Variants in DGLUCY observed in about 807,000 individuals in gnomAD.
DGLUCY encodes D-glutamate cyclase, mitochondrial.
In DGLUCY, 58 loss-of-function variants were observed where a neutral mutation model predicts 58.5. The observed-to-expected ratio is 0.99, with a 90% CI of 0.80 to 1.23. The LOEUF is 1.23. Ranked by LOEUF, DGLUCY falls within the 50% of genes most tolerant of loss-of-function variation. DGLUCY has a pLI of 0.00. For synonymous variants in DGLUCY, 325 were observed against 314.1 expected (o/e 1.03, Z -0.37); for missense variants, 779 against 784.7 (o/e 0.99, Z 0.09).
intron 1 of DGLUCY, among the ~76,000 whole-genome samples, chr14:91,152,702 C>T (rs2047396181): frequency 2.0e-5 from 3 of 152,322 alleles, no homozygotes; most frequent in Non-Finnish European, 4.4e-5. Context: ...ACAAGGTCTG[C>T]ACACCTACTC....
At chr14:91,086,109 G>A (rs1340254761) in intron 1 of DGLUCY, among the ~76,000 whole-genome samples, 3 of 152,132 alleles carry the variant, frequency 2.0e-5, no homozygotes. Flanking sequence ...TAGGTTTTGT[G>A]CTCCTTATGA....
intron 9 of DGLUCY, among the ~76,000 whole-genome samples, chr14:91,195,106 C>A (rs2050125174): frequency 6.6e-6 from 1 of 152,142 alleles, no homozygotes. Flanking sequence ...TGAAGCTCCT[C>A]CAAGGCTACC....
intron 1 of DGLUCY, among the ~76,000 whole-genome samples, chr14:91,120,839 G>C (rs932783737): frequency 2.6e-5 from 4 of 152,114 alleles, no homozygotes; most frequent in Non-Finnish European, 5.9e-5. Context: ...CTCACTTTGG[G>C]GAAAGCCTGG....
At chr14:91,077,306 C>A (rs926660610) in intron 1 of DGLUCY, among the ~76,000 whole-genome samples, 4 of 130,836 alleles carry the variant, frequency 3.1e-5, no homozygotes, top group African/African-American at 8.8e-5. Flanking sequence ...AAGAAGAAAG[C>A]GAGGGAGGAA....
chr14:91,125,276 G>A (rs925905355), intron 1 of DGLUCY, among the ~76,000 whole-genome samples: 2 of 152,136 alleles, frequency 1.3e-5, no homozygotes, highest in African/African-American at 4.8e-5. Flanking sequence ...ATTTCTTTAC[G>A]GCACCGGGGA....
intron 1 of DGLUCY, among the ~76,000 whole-genome samples, chr14:91,146,004 G>A (rs775046107): frequency 1.3e-5 from 2 of 151,982 alleles, no homozygotes; most frequent in African/African-American, 2.4e-5. Context: ...TCAGTCTCCC[G>A]AGTAGCTGGG....
At chr14:91,185,177 C>T (rs2049424879) in intron 8 of DGLUCY, among the ~76,000 whole-genome samples, 1 of 151,494 alleles carries the variant, frequency 6.6e-6, no homozygotes, top group African/African-American at 2.4e-5. Context: ...CCATGTTGGC[C>T]AGGCTTGTCT....
chr14:91,161,574 A>G (rs982286022), intron 3 of DGLUCY, among the ~76,000 whole-genome samples: 2 of 152,264 alleles, frequency 1.3e-5, no homozygotes, highest in Non-Finnish European at 2.9e-5. Flanking sequence ...AGCCTCTTCA[A>G]TAGTGGTCGC....
chr14:91,222,504 GAGA>G (rs1887662867), intron 13 of DGLUCY, among the ~76,000 whole-genome samples: 1 of 152,230 alleles, frequency 6.6e-6, no homozygotes, highest in Non-Finnish European at 1.5e-5. Flanking sequence ...GGTAGCTCCT[GAGA>G]AGGAGCTGTT....
At chr14:91,128,430 G>T (rs762906980) in intron 1 of DGLUCY, among the ~76,000 whole-genome samples, 4 of 151,860 alleles carry the variant, frequency 2.6e-5, no homozygotes, top group Non-Finnish European at 5.9e-5. Flanking sequence ...AGGCATGGAG[G>T]TCACAATGAG....
At position 91,180,623 on chromosome 14, in the gene DGLUCY, G is replaced by T. The variant is rs114334421; in HGVS notation, c.731-563G>T. Among the ~76,000 whole-genome samples, 739 of 150,886 alleles carry T rather than the reference G, an allele frequency of 4.9e-3. 4 individuals are homozygous for T. Among genetic ancestry groups the T allele is most frequent in the African/African-American group, 0.016 (650 of 41,166 alleles). The stretch of plus-strand genomic sequence containing the variant: ...CAATAAAGTCACATCTCAAATTCCA[G>T]TATATTCACAATGCTAAAACCAGTT... On this transcript the variant is annotated intron_variant, in intron 7 of 13. Transcript: ENST00000256324.
intron 1 of DGLUCY, among the ~76,000 whole-genome samples, chr14:91,152,875 G>A (rs1389194733): frequency 6.6e-6 from 1 of 152,206 alleles, no homozygotes; most frequent in East Asian, 1.9e-4. Flanking sequence ...TGTGTCTTCT[G>A]TTTTTCGTGT....
intron 1 of DGLUCY, among the ~76,000 whole-genome samples, chr14:91,087,735 C>T (rs1449869480): frequency 1.3e-5 from 2 of 152,164 alleles, no homozygotes; most frequent in African/African-American, 4.8e-5. Context: ...GGAAACTGGG[C>T]ACAGCAGTAG....
In DGLUCY at chr14:91,173,432, C is replaced by T. The variant is rs138979726; in HGVS notation, c.600C>T (p.Gly200=). ...AGCAGGGGCAACCTGTTCACATGGG[C>T]GACCCAGGTCAGTGTCTCTCGCTCC... ...GGEQGQPVHM[G]DPELLGIKEL... is the part of the protein sequence containing the mutation. The change falls in exon 6 of 14, where the codon GGC becomes GGT. Residue 200 remains glycine, a synonymous_variant. Coordinates refer to ENST00000256324, the MANE Select transcript of DGLUCY (RefSeq NM_001102368.3). 1.1e-4 allele frequency: 170 copies of T among 1,598,634 alleles called. No homozygotes were observed. In the East Asian group the frequency reaches 3.5e-3, roughly 33 times the overall value.
chr14:91,146,186 A>G (rs1286949250), intron 1 of DGLUCY, among the ~76,000 whole-genome samples: 3 of 152,182 alleles, frequency 2.0e-5, no homozygotes, highest in Admixed American at 2.0e-4. Flanking sequence ...CCCCATTTTA[A>G]AAATGAGTAA....
At chr14:91,068,097 A>G (rs1017292453) in intron 1 of DGLUCY, among the ~76,000 whole-genome samples, 45 of 151,982 alleles carry the variant, frequency 3.0e-4, no homozygotes, top group Middle Eastern at 3.4e-3. Flanking sequence ...ACACACACAC[A>G]CACACACACA....
At chr14:91,108,789 C>T (rs534403984) in intron 1 of DGLUCY, among the ~76,000 whole-genome samples, 2 of 152,140 alleles carry the variant, frequency 1.3e-5, no homozygotes, top group South Asian at 2.1e-4. Context: ...CTACCAACCT[C>T]GGCTTCCCAA....
intron 11 of DGLUCY, among the ~76,000 whole-genome samples, chr14:91,201,792 C>T (rs2140599997): frequency 6.6e-6 from 1 of 152,070 alleles, no homozygotes; most frequent in South Asian, 2.1e-4. Flanking sequence ...GTGGCTCACA[C>T]CTGTAATTCC....
chr14:91,138,778 C>T (rs1051532883), intron 1 of DGLUCY, among the ~76,000 whole-genome samples: 4 of 152,228 alleles, frequency 2.6e-5, no homozygotes, highest in Admixed American at 2.0e-4. Flanking sequence ...GTCCCTTCCT[C>T]ATCATGAGGA....
Sources: allele counts gnomAD v4.1 joint callset (sites outside exome capture counted in the v4.1 genomes callset), GRCh38; gene constraint gnomAD v4.1.1; transcripts MANE v1.5; gene names NCBI Gene and HGNC (gene_info 2026-07-23, HGNC 2026-07-21).